The following ALK variants were observed in gnomAD, a reference collection of about 807,000 sequenced individuals.
ALK encodes the protein ALK receptor tyrosine kinase, also known as ALK tyrosine kinase receptor.
Under a neutral mutation model 163.1 loss-of-function variants are expected in ALK, and 74 were observed. The observed-to-expected ratio is 0.45, with a 90% CI of 0.38 to 0.55. The LOEUF is 0.55. Among genes scored for constraint, ALK ranks in the 20% least tolerant of loss-of-function variants. The pLI, the probability that ALK is intolerant of heterozygous loss-of-function variation, is 0.00. For missense variants in ALK, 2,063 were observed against 2,105.3 expected (o/e 0.98, Z 0.39); for synonymous variants, 960 against 843.2 (o/e 1.14, Z -2.40).
At chr2:29,708,525 A>G (rs1019623022) in intron 2 of ALK, among the ~76,000 whole-genome samples, 7 of 152,160 alleles carry the variant, frequency 4.6e-5, no homozygotes, top group Non-Finnish European at 7.3e-5. Flanking sequence ...CCATGTGTTC[A>G]TCTACACCAG....
At chr2:29,514,416 C>T (rs1231025461) in intron 4 of ALK, among the ~76,000 whole-genome samples, 7 of 151,880 alleles carry the variant, frequency 4.6e-5, no homozygotes, top group Non-Finnish European at 8.8e-5. Context: ...AACCAAACAC[C>T]GCATATTCTC....
chr2:29,445,480 C>A (rs1458443426), intron 4 of ALK, among the ~76,000 whole-genome samples: 1 of 152,224 alleles, frequency 6.6e-6, no homozygotes, highest in Non-Finnish European at 1.5e-5. Context: ...CATCGCTTCC[C>A]AGTGGCAGTG....
At chr2:29,913,691 G>T (rs1440228268) in intron 1 of ALK, among the ~76,000 whole-genome samples, 2 of 152,170 alleles carry the variant, frequency 1.3e-5, no homozygotes, top group Non-Finnish European at 2.9e-5. Context: ...AATGTTCTGT[G>T]GTTCTTAGCC....
intron 11 of ALK, among the ~76,000 whole-genome samples, chr2:29,253,299 C>T (rs952868714): frequency 4.6e-5 from 7 of 152,104 alleles, no homozygotes; most frequent in East Asian, 1.9e-4. Flanking sequence ...CGTCACCACA[C>T]GAGGGGTGAT....
At position 29,863,238 on chromosome 2, in the gene ALK, G is replaced by A. The variant is rs143631589; in HGVS notation, c.667+56755C>T. Among the ~76,000 whole-genome samples, 29 of 152,082 alleles carry A rather than the reference G, an allele frequency of 1.9e-4. 1 individual carries two copies. The highest frequency in any genetic ancestry group is 6.5e-4 in the African/African-American group (27 of 41,486). ...TCTTGGATATAACTTCCAAAGCATG[G>A]GCAACAAAAGCAAAAACAGACAAAA... On this transcript the variant is annotated intron_variant, in intron 1 of 28. Coordinates refer to ENST00000389048, the MANE Select transcript of ALK (RefSeq NM_004304.5).
chr2:29,201,610 A>T (rs1382280189), intron 26 of ALK, among the ~76,000 whole-genome samples: 1 of 151,976 alleles, frequency 6.6e-6, no homozygotes, highest in African/African-American at 2.4e-5. Flanking sequence ...AACGTGGTGA[A>T]ATCCCGTCTC....
At chr2:29,813,564 A>G (rs1664813579) in intron 1 of ALK, among the ~76,000 whole-genome samples, 1 of 152,198 alleles carries the variant, frequency 6.6e-6, no homozygotes, top group African/African-American at 2.4e-5. Flanking sequence ...TTTATATTAA[A>G]AAAGAAGAGG....
chr2:29,730,879 T>C (rs964901067), intron 1 of ALK, among the ~76,000 whole-genome samples: 3 of 152,142 alleles, frequency 2.0e-5, no homozygotes, highest in Admixed American at 6.5e-5. Flanking sequence ...AAGGAAGCTC[T>C]GGGTCAGGAG....
At chr2:29,843,418 C>CT (rs1665751847) in intron 1 of ALK, among the ~76,000 whole-genome samples, 1 of 151,554 alleles carries the variant, frequency 6.6e-6, no homozygotes, top group Non-Finnish European at 1.5e-5. Context: ...TGTGCAACTG[C>CT]TGGAAGAAAA....
chr2:29,727,373 C>T (rs1679604306), intron 1 of ALK, among the ~76,000 whole-genome samples: 1 of 152,214 alleles, frequency 6.6e-6, no homozygotes, highest in South Asian at 2.1e-4. Context: ...GCTCCAGATG[C>T]CACATTACTC....
At chr2:29,431,859 C>T (rs766945924) in intron 4 of ALK, among the ~76,000 whole-genome samples, 10 of 152,068 alleles carry the variant, frequency 6.6e-5, no homozygotes, top group Non-Finnish European at 1.2e-4. Context: ...TTTGGGGACC[C>T]AGATACAAGT....
chr2:29,812,164 A>G (rs1664775980), intron 1 of ALK, among the ~76,000 whole-genome samples: 1 of 152,170 alleles, frequency 6.6e-6, no homozygotes, highest in Admixed American at 6.5e-5. Context: ...TCTCCTTCAC[A>G]GATCTCAGGT....
chr2:29,587,493 G>GAA (rs1269101424), intron 3 of ALK, among the ~76,000 whole-genome samples: 1 of 152,194 alleles, frequency 6.6e-6, no homozygotes, highest in African/African-American at 2.4e-5. Flanking sequence ...CCCCTGAGGT[G>GAA]AACTAGTTGG....
chr2:29,821,182 A>T (rs1665038404), intron 1 of ALK, among the ~76,000 whole-genome samples: 2 of 152,256 alleles, frequency 1.3e-5, no homozygotes, highest in Admixed American at 6.5e-5. Context: ...TGCCAGAGGA[A>T]GAAGAGGAAG....
rs1160152899 is a variant in ALK at position 29,426,460 on chromosome 2, C to T, written c.1155-42601G>A. Among the ~76,000 whole-genome samples the T allele has an allele frequency of 3.3e-5, 5 of 152,164 alleles. No homozygotes were observed. In the East Asian group the frequency reaches 9.6e-4, roughly 29 times the overall value. On this transcript the variant is annotated intron_variant, in intron 4 of 28. Coordinates refer to ENST00000389048, the MANE Select transcript of ALK (RefSeq NM_004304.5). Reference sequence around the variant, plus strand: ...GCAACCTCAAAAAGATTAATAGCTGCCTTCTCATCAGAAACAATGGAGGCC... The same window carrying T: ...GCAACCTCAAAAAGATTAATAGCTGTCTTCTCATCAGAAACAATGGAGGCC...
rs17008653 is a variant in ALK at position 29,768,210 on chromosome 2, A to T, written c.668-50513T>A. 3.7e-4 allele frequency among the ~76,000 whole-genome samples: 57 copies of T among 152,282 alleles called. No individual in the cohort carries two copies. The East Asian group carries it at 0.01, about 27-fold the overall frequency. On this transcript the variant is annotated intron_variant, in intron 1 of 28. Transcript: ENST00000389048. Reference sequence around the variant, plus strand: ...GTGAAAGTGGCAAACGGGACAATAAACAGATTTAGCAGAGCTGGAGCTCTA... The same window carrying T: ...GTGAAAGTGGCAAACGGGACAATAATCAGATTTAGCAGAGCTGGAGCTCTA...
At chr2:29,461,789 C>T (rs1347138467) in intron 4 of ALK, among the ~76,000 whole-genome samples, 2 of 151,968 alleles carry the variant, frequency 1.3e-5, no homozygotes, top group East Asian at 1.9e-4. Flanking sequence ...TTTCAACTTT[C>T]AGTCTTATTA....
intron 12 of ALK, among the ~76,000 whole-genome samples, chr2:29,244,781 G>A (rs1664614671): frequency 6.6e-6 from 1 of 152,190 alleles, no homozygotes; most frequent in African/African-American, 2.4e-5. Flanking sequence ...TTATAGCGAT[G>A]GCTATCCATA....
chr2:29,900,758 C>G (rs541503496), intron 1 of ALK, among the ~76,000 whole-genome samples: 24 of 152,274 alleles, frequency 1.6e-4, no homozygotes, highest in African/African-American at 5.5e-4. Flanking sequence ...CATCACTCTC[C>G]TCATCCTTTA....
Sources: gnomAD v4.1 joint callset for allele counts (sites outside exome capture counted in the v4.1 genomes callset) on GRCh38, gnomAD v4.1.1 for gene constraint, MANE v1.5 for transcripts, NCBI Gene and HGNC (gene_info 2026-07-23, HGNC 2026-07-21) for gene names.